BLTP1: variants seen among roughly 807,000 people sequenced by gnomAD.
The protein encoded by BLTP1 is fragile site-associated protein.
the BLTP1 span, among the ~76,000 whole-genome samples, chr4:122,184,021 AT>A: frequency 8.5e-5 from 13 of 152,232 alleles, no homozygotes; most frequent in Admixed American, 3.9e-4. Context: ...TTAACTAAAT[AT>A]TTTTTTAAAA....
chr4:122,172,486 T>A, the BLTP1 span: 1 of 252,666 alleles, frequency 4.0e-6, no homozygotes, highest in Non-Finnish European at 6.3e-6. Flanking sequence ...ACATCATAAC[T>A]TATTGTCTTA....
the BLTP1 span, among the ~76,000 whole-genome samples, chr4:122,205,632 T>TC: frequency 1.9e-5 from 1 of 51,610 alleles, no homozygotes; most frequent in African/African-American, 5.8e-5. Context: ...TCCAATTGTT[T>TC]CCCCCCCCTT....
At chr4:122,275,834 GTACTT>G in the BLTP1 span, 1 of 991,906 alleles carries the variant, frequency 1.0e-6, no homozygotes, top group Non-Finnish European at 1.3e-6. Context: ...GGTTCAAATG[GTACTT>G]TAAAGGAACA....
At chr4:122,171,926 A>T in the BLTP1 span, 1 of 985,238 alleles carries the variant, frequency 1.0e-6, no homozygotes, top group East Asian at 1.1e-4. Context: ...TATTGAAAGC[A>T]TATTTTCTCA....
chr4:122,201,640 A>G, the BLTP1 span, among the ~76,000 whole-genome samples: 103 of 152,306 alleles, frequency 6.8e-4, 1 homozygote, highest in African/African-American at 2.4e-3. Context: ...AGCTTTGCAT[A>G]TTTTGTGACT....
At chr4:122,321,421 T>C in the BLTP1 span, among the ~76,000 whole-genome samples, 2 of 151,690 alleles carry the variant, frequency 1.3e-5, no homozygotes, top group African/African-American at 2.4e-5. Flanking sequence ...TGCACATATA[T>C]ACACACACAT....
At chr4:122,281,450 T>C in the BLTP1 span, 1 of 1,431,288 alleles carries the variant, frequency 7.0e-7, no homozygotes. Context: ...ATATTTGCTA[T>C]TTTTCACTGA....
chr4:122,209,222 A>G, the BLTP1 span: 24 of 1,613,498 alleles, frequency 1.5e-5, no homozygotes, highest in African/African-American at 2.7e-5. Flanking sequence ...TTCTTTATTT[A>G]TGCTGGTAAA....
chr4:122,198,490 T>C, the BLTP1 span: 2 of 946,332 alleles, frequency 2.1e-6, no homozygotes, highest in Non-Finnish European at 2.5e-6. Flanking sequence ...CAACTGATGA[T>C]ACACATAGGA....
chr4:122,204,244 A>G, the BLTP1 span: 1 of 668,872 alleles, frequency 1.5e-6, no homozygotes, highest in Non-Finnish European at 1.8e-6. Context: ...TGACAAATGC[A>G]TGTAAGACCT....
the BLTP1 span, chr4:122,272,189 A>G: frequency 4.3e-5 from 69 of 1,612,980 alleles, no homozygotes; most frequent in Non-Finnish European, 5.4e-5. Flanking sequence ...GCCAACATGT[A>G]AAGTTGTGTT....
the BLTP1 span, chr4:122,240,182 G>A: frequency 6.2e-7 from 1 of 1,614,154 alleles, no homozygotes; most frequent in Admixed American, 1.7e-5. Context: ...AACCCGTGAT[G>A]AATTGTTATC....
chr4:122,286,803 T>A, the BLTP1 span: 3 of 1,598,764 alleles, frequency 1.9e-6, no homozygotes, highest in Admixed American at 5.1e-5. Context: ...TACTTTAAAA[T>A]TTTCTTACTC....
At chr4:122,258,846 A>G in the BLTP1 span, 3 of 1,582,912 alleles carry the variant, frequency 1.9e-6, no homozygotes, top group Middle Eastern at 1.7e-4. Flanking sequence ...AAATAAAGGT[A>G]TATTATTGCT....
At chr4:122,234,188 A>AT in the BLTP1 span, 1 of 591,928 alleles carries the variant, frequency 1.7e-6, no homozygotes, top group Non-Finnish European at 2.1e-6. Flanking sequence ...GTTTACATAC[A>AT]TTTTTAATAC....
the BLTP1 span, chr4:122,341,779 T>TTAG: frequency 1.0e-6 from 1 of 985,376 alleles, no homozygotes; most frequent in Non-Finnish European, 1.2e-6. Flanking sequence ...TGGTCCATAC[T>TTAG]TACTAATGTG....
chr4:122,237,685 A>T, the BLTP1 span: 1 of 688,972 alleles, frequency 1.5e-6, no homozygotes, highest in Non-Finnish European at 1.8e-6. Flanking sequence ...ACGTTTAACA[A>T]ATTGCTATAT....
the BLTP1 span, chr4:122,254,150 A>T: frequency 6.3e-7 from 1 of 1,586,214 alleles, no homozygotes; most frequent in Admixed American, 1.7e-5. Context: ...TAGTGGTTTT[A>T]AGGGGCTGTA....
chr4:122,183,680 G>A, the BLTP1 span, among the ~76,000 whole-genome samples: 3 of 152,118 alleles, frequency 2.0e-5, no homozygotes, highest in East Asian at 1.9e-4. Context: ...AAAATGAGAG[G>A]TTTTTAAAGT....
Sources: allele counts gnomAD v4.1 joint callset (sites outside exome capture counted in the v4.1 genomes callset), GRCh38; gene constraint gnomAD v4.1.1; transcripts MANE v1.5; gene names NCBI Gene and HGNC (gene_info 2026-07-23, HGNC 2026-07-21).